SLX4IP: variants seen among roughly 807,000 people sequenced by gnomAD.
The protein encoded by SLX4IP is SLX4 interacting protein, also known as protein SLX4IP.
SLX4IP carries 34 observed loss-of-function variants against 32.9 expected under a neutral mutation model. The observed-to-expected ratio is 1.03, with a 90% CI of 0.79 to 1.38. The LOEUF (loss-of-function observed/expected upper bound fraction) is 1.38, where lower values mean the gene tolerates loss of function less well. SLX4IP is among the 40% of genes most tolerant of loss of function. SLX4IP has a pLI of 0.00. For missense variants in SLX4IP, 444 were observed against 479.0 expected, an observed-to-expected ratio of 0.93 and a Z score of 0.68; for synonymous variants, 172 against 171.7, an observed-to-expected ratio of 1.00 and a Z score of -0.01.
At chr20:10,613,981 C>T in intron 6 of SLX4IP, 2 of 1,192,424 alleles carry the variant, frequency 1.7e-6, no homozygotes, top group Non-Finnish European at 2.5e-6. Flanking sequence ...GTTCCCTGCT[C>T]ATCGTACACT....
intron 4 of SLX4IP, among the ~76,000 whole-genome samples, chr20:10,575,543 C>T (rs894891706): frequency 6.7e-6 from 1 of 150,086 alleles, no homozygotes; most frequent in African/African-American, 2.5e-5. Flanking sequence ...GCTCTCCCTA[C>T]CCCCCACCCC....
In SLX4IP at chr20:10,608,068, G is replaced by GTT. The variant is rs542559466; in HGVS notation, c.405+6255_405+6256dup. On this transcript the variant is annotated intron_variant, in intron 6 of 7. Transcript: ENST00000334534. ...GTATCTCCATCCCCAATCCTTTGTGGTTTTTTTCTCATAGTGTATCTTTGC... is the reference window on the plus strand; with the variant it reads ...GTATCTCCATCCCCAATCCTTTGTGGTTTTTTTTTCTCATAGTGTATCTTTGC... Among the ~76,000 whole-genome samples the GTT allele has an allele frequency of 2.0e-5, 3 of 152,290 alleles. No homozygotes were observed. The South Asian group carries it at 6.2e-4, about 32-fold the overall frequency.
At chr20:10,522,898 G>A (rs2065911534) in intron 2 of SLX4IP, among the ~76,000 whole-genome samples, 2 of 152,170 alleles carry the variant, frequency 1.3e-5, no homozygotes, top group Non-Finnish European at 2.9e-5. Context: ...TAAGAATTTG[G>A]TAGGACAGAA....
At chr20:10,454,728 T>C (rs2065270694) in intron 1 of SLX4IP, among the ~76,000 whole-genome samples, 1 of 152,218 alleles carries the variant, frequency 6.6e-6, no homozygotes, top group South Asian at 2.1e-4. Flanking sequence ...GTATAATTTT[T>C]TTGTATGGAG....
At chr20:10,532,957 A>G (rs1005047971) in intron 2 of SLX4IP, among the ~76,000 whole-genome samples, 1 of 152,008 alleles carries the variant, frequency 6.6e-6, no homozygotes, top group African/African-American at 2.4e-5. Flanking sequence ...TTTTATTTTT[A>G]GTACAGATGG....
rs1449137382 is a variant in SLX4IP at position 10,518,402 on chromosome 20, T to TC, written c.28-37828dup. 9.1e-4 allele frequency among the ~76,000 whole-genome samples: 97 copies of TC among 106,544 alleles called. 1 individual carries two copies. The highest frequency in any genetic ancestry group is 2.9e-3 in the African/African-American group (93 of 32,134). The allele number at this position is 106,544 out of a possible 152,430, so 69.9% of individuals were successfully genotyped here. A position where few individuals can be genotyped will look rare whatever the true frequency, so the allele number is the denominator to read the frequency against. On this transcript the variant is annotated intron_variant, in intron 2 of 7. Transcript: ENST00000334534. Reference sequence around the variant, plus strand: ...TTCTTTCCTTCTTCCTTTCTTTCTTTCTTTCCTTCCTTCCTTCCTTCCCTC... The same window carrying TC: ...TTCTTTCCTTCTTCCTTTCTTTCTTTCCTTTCCTTCCTTCCTTCCTTCCCTC...
chr20:10,585,370 G>A (rs189060819), intron 4 of SLX4IP, among the ~76,000 whole-genome samples: 304 of 152,120 alleles, frequency 2.0e-3, no homozygotes, highest in Non-Finnish European at 3.8e-3. Context: ...CTCCATGTGG[G>A]CCCCTCTTTC....
chr20:10,604,987 A>C (rs1345317327), intron 6 of SLX4IP, among the ~76,000 whole-genome samples: 1 of 152,202 alleles, frequency 6.6e-6, no homozygotes, highest in African/African-American at 2.4e-5. Context: ...GAAGAACATA[A>C]AGTGAATTTT....
chr20:10,506,831 G>A (rs545170848), intron 2 of SLX4IP, among the ~76,000 whole-genome samples: 3 of 152,204 alleles, frequency 2.0e-5, no homozygotes, highest in Non-Finnish European at 4.4e-5. Flanking sequence ...GCAGCAGGGG[G>A]TGTGGGAACG....
intron 4 of SLX4IP, among the ~76,000 whole-genome samples, chr20:10,590,680 C>T (rs1344549782): frequency 6.6e-6 from 1 of 152,020 alleles, no homozygotes; most frequent in African/African-American, 2.4e-5. Flanking sequence ...TAATGTCAGA[C>T]CTAAGAGTCA....
intron 6 of SLX4IP, among the ~76,000 whole-genome samples, chr20:10,608,842 A>G (rs2122557635): frequency 6.6e-6 from 1 of 152,160 alleles, no homozygotes; most frequent in East Asian, 1.9e-4. Context: ...AAAGGAGAAA[A>G]ATACCTGACA....
chr20:10,563,558 A>C (rs1250816864), intron 4 of SLX4IP, among the ~76,000 whole-genome samples: 1 of 152,036 alleles, frequency 6.6e-6, no homozygotes, highest in Non-Finnish European at 1.5e-5. Flanking sequence ...TCAAGTCTTT[A>C]ATTCATTTTG....
intron 4 of SLX4IP, among the ~76,000 whole-genome samples, chr20:10,588,946 AAG>A (rs2066676186): frequency 6.6e-6 from 1 of 152,250 alleles, no homozygotes; most frequent in East Asian, 1.9e-4. Flanking sequence ...CTGCAAGAAA[AAG>A]AGAGATAACT....
At chr20:10,466,649 G>A (rs562636906) in intron 2 of SLX4IP, among the ~76,000 whole-genome samples, 1 of 152,172 alleles carries the variant, frequency 6.6e-6, no homozygotes, top group South Asian at 2.1e-4. Flanking sequence ...TCTTCTACAG[G>A]GAATGTGTAA....
intron 2 of SLX4IP, among the ~76,000 whole-genome samples, chr20:10,503,291 T>C (rs1376275046): frequency 6.6e-6 from 1 of 152,196 alleles, no homozygotes; most frequent in East Asian, 1.9e-4. Context: ...CCACTGAGTC[T>C]CCCTAACAGC....
chr20:10,610,508 G>A (rs1600154167), intron 6 of SLX4IP, among the ~76,000 whole-genome samples: 1 of 152,220 alleles, frequency 6.6e-6, no homozygotes, highest in East Asian at 1.9e-4. Context: ...CTCACTGTGG[G>A]AACTGGGCAG....
At chr20:10,544,864 A>C (rs1333624354) in intron 2 of SLX4IP, among the ~76,000 whole-genome samples, 2 of 151,572 alleles carry the variant, frequency 1.3e-5, no homozygotes, top group Non-Finnish European at 2.9e-5. Context: ...CTTCCTTTCT[A>C]TTGTAACCTC....
At chr20:10,519,539 T>C (rs982726233) in intron 2 of SLX4IP, among the ~76,000 whole-genome samples, 1 of 152,240 alleles carries the variant, frequency 6.6e-6, no homozygotes, top group Non-Finnish European at 1.5e-5. Flanking sequence ...TGTTGTAGTA[T>C]GTGTCAGTAC....
At chr20:10,620,891 T>C (rs879721573) in intron 6 of SLX4IP, among the ~76,000 whole-genome samples, 1 of 152,170 alleles carries the variant, frequency 6.6e-6, no homozygotes, top group Non-Finnish European at 1.5e-5. Flanking sequence ...AGAGAAAATA[T>C]GGGGAATTCT....
Sources: allele counts gnomAD v4.1 joint callset (sites outside exome capture counted in the v4.1 genomes callset), GRCh38; gene constraint gnomAD v4.1.1; transcripts MANE v1.5; gene names NCBI Gene and HGNC (gene_info 2026-07-23, HGNC 2026-07-21).